Variants in KCNJ1 observed in about 807,000 individuals in gnomAD.
The protein encoded by KCNJ1 is potassium inwardly rectifying channel subfamily J member 1, also known as ATP-sensitive inward rectifier potassium channel 1.
In KCNJ1, 24 loss-of-function variants were observed where a neutral mutation model predicts 21.9. The observed-to-expected ratio is 1.10, with a 90% CI of 0.79 to 1.54. KCNJ1 has a LOEUF of 1.54. Ranked by LOEUF, KCNJ1 falls within the 40% of genes most tolerant of loss-of-function variation. The pLI is 0.00. For missense variants in KCNJ1, 457 were observed against 455.4 expected (o/e 1.00, Z -0.03); for synonymous variants, 152 against 160.9 (o/e 0.94, Z 0.42).
intron 2 of KCNJ1, among the ~76,000 whole-genome samples, chr11:128,847,105 C>G (rs1943395664): frequency 6.6e-6 from 1 of 152,176 alleles, no homozygotes; most frequent in Admixed American, 6.6e-5. Flanking sequence ...CATATTTGAT[C>G]ATAGAATCAT....
At chr11:128,850,602 G>A in intron 2 of KCNJ1, 119 bp downstream of exon 2, 1 of 289,336 alleles carries the variant, frequency 3.5e-6, no homozygotes. Flanking sequence ...GAACCTGCAA[G>A]GGCAAATGAC....
chr11:128,844,845 GA>G (rs550720369), intron 2 of KCNJ1, among the ~76,000 whole-genome samples: 3,266 of 142,152 alleles, frequency 0.023, 52 homozygotes, highest in Non-Finnish European at 0.029. Flanking sequence ...TATAGAAATG[GA>G]AAAAAAAAAA....
At chr11:128,848,975 T>TGGAGACACACGCTGCG (rs1172069177) in intron 2 of KCNJ1, among the ~76,000 whole-genome samples, 3 of 152,178 alleles carry the variant, frequency 2.0e-5, no homozygotes, top group Non-Finnish European at 4.4e-5. Flanking sequence ...TGCCCGTTGC[T>TGGAGACACACGCTGCG]GGAGACACAC....
At chr11:128,860,280 T>C (rs1943680160) in intron 1 of KCNJ1, among the ~76,000 whole-genome samples, 2 of 152,152 alleles carry the variant, frequency 1.3e-5, no homozygotes, top group African/African-American at 4.8e-5. Context: ...GGGACTTCAG[T>C]GAGACATGAA....
At chr11:128,863,557 G>C (rs1165029515) in intron 1 of KCNJ1, among the ~76,000 whole-genome samples, 2 of 152,184 alleles carry the variant, frequency 1.3e-5, no homozygotes, top group East Asian at 3.8e-4. Flanking sequence ...ACAGTGCTGG[G>C]AAAATTCAGA....
chr11:128,838,938 AAT>A lies in KCNJ1; in HGVS notation c.*185_*186del. ...TTCATATAAATGCATTGCACGTTCT[AAT>A]ACAGTAGCCTTGTGGAGATGCATGT... On this transcript the variant is annotated 3_prime_UTR_variant, in exon 3 of 3. Coordinates refer to ENST00000392666, the MANE Select transcript of KCNJ1 (RefSeq NM_153766.3). The A allele has an allele frequency of 1.6e-6, 1 of 620,300 alleles. No homozygotes were observed. 38.4% of individuals were successfully genotyped at this position (620,300 alleles called of 1,614,324 possible). A position where few individuals can be genotyped will look rare whatever the true frequency, so the allele number is the denominator to read the frequency against.
At chr11:128,863,029 G>C (rs1023949873) in intron 1 of KCNJ1, among the ~76,000 whole-genome samples, 47 of 152,190 alleles carry the variant, frequency 3.1e-4, no homozygotes, top group East Asian at 1.7e-3. Flanking sequence ...TGGTAGATCT[G>C]GATAAAGCCA....
At chr11:128,848,470 G>C (rs1432707178) in intron 2 of KCNJ1, among the ~76,000 whole-genome samples, 1 of 152,096 alleles carries the variant, frequency 6.6e-6, no homozygotes, top group Non-Finnish European at 1.5e-5. Context: ...GAGATTACGG[G>C]TGTGAGCCAC....
chr11:128,857,583 A>T (rs1943611953), intron 1 of KCNJ1, among the ~76,000 whole-genome samples: 1 of 152,222 alleles, frequency 6.6e-6, no homozygotes, highest in Non-Finnish European at 1.5e-5. Flanking sequence ...ACTGGGCCTC[A>T]GGGCTCTCTC....
Position 128,851,987 on chromosome 11 carries a change from C to G in KCNJ1, c.-191-1097G>C, listed in dbSNP as rs765994942. On this transcript the variant is annotated intron_variant, in intron 1 of 2. Coordinates refer to ENST00000392666, the MANE Select transcript of KCNJ1 (RefSeq NM_153766.3). ...CCACACCTTAGCGTGTTTGAAGTTT[C>G]TCTGTCCCAGTCCCAACAAGTGGCC... is the stretch of plus-strand genomic sequence containing the variant. 1.8e-3 allele frequency among the ~76,000 whole-genome samples: 280 copies of G among 152,314 alleles called. 1 individual carries two copies. The highest frequency in any genetic ancestry group is 2.4e-3 in the Non-Finnish European group (165 of 68,026).
intron 1 of KCNJ1, among the ~76,000 whole-genome samples, chr11:128,863,217 A>G (rs769047812): frequency 1.3e-5 from 2 of 152,152 alleles, no homozygotes; most frequent in Non-Finnish European, 2.9e-5. Context: ...ACACTGATAG[A>G]CCCCAATAAA....
intron 1 of KCNJ1, among the ~76,000 whole-genome samples, chr11:128,860,612 G>A (rs1943687862): frequency 6.6e-6 from 1 of 152,162 alleles, no homozygotes; most frequent in Non-Finnish European, 1.5e-5. Context: ...CTCACGGGTG[G>A]GCCTTGTAAC....
In KCNJ1 at chr11:128,840,135, C is replaced by T. The variant is rs1943256831; in HGVS notation, c.109G>A (p.Val37Met). ...DGRCNIEFGN[V>M]EAQSRFIFFV... ...AATATAAACCTTGACTGTGCCTCCA[C>T]ATTGCCAAATTCTATGTTGCACCTT... The change falls in exon 3 of 3, where the codon GTG (valine) becomes ATG (methionine). Residue 37 changes from valine to methionine, a missense_variant. By Grantham distance (21) the Val-to-Met change is conservative. Transcript: ENST00000392666. 6 of 1,614,192 alleles carry T rather than the reference C, an allele frequency of 3.7e-6. No homozygotes were observed. Among genetic ancestry groups the T allele is most frequent in the Non-Finnish European group, 3.4e-6 (4 of 1,180,028 alleles).
At chr11:128,847,009 C>T (rs985304525) in intron 2 of KCNJ1, among the ~76,000 whole-genome samples, 1 of 152,172 alleles carries the variant, frequency 6.6e-6, no homozygotes, top group South Asian at 2.1e-4. Context: ...AATATCCCCC[C>T]ATCCTGATGA....
At position 128,862,640 on chromosome 11, in the gene KCNJ1, CG is replaced by C. The variant is rs1422685278; in HGVS notation, c.-192+4532del. On this transcript the variant is annotated intron_variant, in intron 1 of 2. Transcript: ENST00000392666. ...CCTGCCATCCCTACTCATCCCCTCA[CG>C]GGGACCAGAGCTTCTGCAGCATAGG... 2.0e-5 allele frequency among the ~76,000 whole-genome samples: 3 copies of C among 152,328 alleles called. No homozygotes were observed. In the East Asian group the frequency reaches 5.8e-4, roughly 29 times the overall value.
chr11:128,852,756 C>T (rs1372197601), intron 1 of KCNJ1, among the ~76,000 whole-genome samples: 1 of 152,272 alleles, frequency 6.6e-6, no homozygotes, highest in African/African-American at 2.4e-5. Context: ...CGGGAGACTT[C>T]CCAGCTGCGT....
intron 2 of KCNJ1, among the ~76,000 whole-genome samples, chr11:128,844,362 G>A (rs922000290): frequency 6.6e-6 from 1 of 152,202 alleles, no homozygotes; most frequent in Admixed American, 6.5e-5. Context: ...TGCACTTGGT[G>A]TACCATTTGA....
At chr11:128,843,294 T>C (rs940184464) in intron 2 of KCNJ1, among the ~76,000 whole-genome samples, 3 of 152,218 alleles carry the variant, frequency 2.0e-5, no homozygotes, top group Admixed American at 6.5e-5. Flanking sequence ...GATTAGAGAT[T>C]GTCCCTGGTG....
chr11:128,852,103 T>C (rs1261627440), intron 1 of KCNJ1, among the ~76,000 whole-genome samples: 10 of 152,226 alleles, frequency 6.6e-5, no homozygotes, highest in Admixed American at 6.5e-4. Flanking sequence ...AGTGTGTCAA[T>C]TTCCTCATCT....
Sources: allele counts gnomAD v4.1 joint callset (sites outside exome capture counted in the v4.1 genomes callset), GRCh38; gene constraint gnomAD v4.1.1; transcripts MANE v1.5; gene names NCBI Gene and HGNC (gene_info 2026-07-23, HGNC 2026-07-21).